Variants in UTRN observed in about 807,000 individuals in gnomAD.
UTRN encodes utrophin, also known as dystrophin-related protein 1.
In UTRN, 283 loss-of-function variants were observed where a neutral mutation model predicts 463.9. The observed-to-expected ratio is 0.61, with a 90% CI of 0.55 to 0.67. The LOEUF (loss-of-function observed/expected upper bound fraction) is 0.67. Ranked by LOEUF, UTRN falls within the 30% of genes least tolerant of loss-of-function variation. UTRN has a pLI of 0.00. For missense variants in UTRN, 3,922 were observed against 4,084.3 expected, an observed-to-expected ratio of 0.96 and a Z score of 1.08; for synonymous variants, 1,442 against 1,431.5, an observed-to-expected ratio of 1.01 and a Z score of -0.17.
intron 50 of UTRN, among the ~76,000 whole-genome samples, chr6:144,562,317 T>C (rs1800004578): frequency 6.6e-6 from 1 of 152,146 alleles, no homozygotes; most frequent in Admixed American, 6.6e-5. Flanking sequence ...AGGTAGTAAG[T>C]CCAGCATTCA....
intron 51 of UTRN, among the ~76,000 whole-genome samples, chr6:144,661,382 G>T (rs1285919983): frequency 6.6e-6 from 1 of 152,156 alleles, no homozygotes; most frequent in Non-Finnish European, 1.5e-5. Context: ...TTAGCTCTTT[G>T]CTCCCTCCTG....
At position 144,751,874 on chromosome 6, in the gene UTRN, G is replaced by A; in HGVS notation, c.8277G>A (p.Leu2759=). 1 of 1,612,242 alleles carries A rather than the reference G, an allele frequency of 6.2e-7. No individual in the cohort carries two copies. Among genetic ancestry groups the A allele is most frequent in the South Asian group, 1.1e-5 (1 of 90,844 alleles). ...CGGTGAATGATTTATCCAGTCAGCTGTCTCCACTTGACCTGCATCCCTCTC... is the reference window on the plus strand; with the variant it reads ...CGGTGAATGATTTATCCAGTCAGCTATCTCCACTTGACCTGCATCCCTCTC... ...VKTVNDLSSQ[L]SPLDLHPSLK... Residue 2759 remains leucine (L), a synonymous_variant, in exon 56 of 75, where the codon CTG becomes CTA. Coordinates refer to ENST00000367545, the MANE Select transcript of UTRN (RefSeq NM_007124.3).
At chr6:144,413,257 G>A (rs1415054904) in intron 3 of UTRN, among the ~76,000 whole-genome samples, 1 of 152,174 alleles carries the variant, frequency 6.6e-6, no homozygotes, top group African/African-American at 2.4e-5. Context: ...ATAGCTTAGT[G>A]ATGCTGTAAC....
chr6:144,638,950 C>G (rs1394833017), intron 51 of UTRN, among the ~76,000 whole-genome samples: 6 of 152,022 alleles, frequency 3.9e-5, no homozygotes, highest in Admixed American at 3.9e-4. Context: ...TGGCTCATGC[C>G]TGTAGTCCTA....
intron 41 of UTRN, 152 bp from the exon 42 acceptor site, chr6:144,530,900 A>G (rs1424875648): frequency 2.4e-5 from 19 of 784,908 alleles, no homozygotes; most frequent in Non-Finnish European, 3.6e-5. Context: ...GTATCCCACT[A>G]CGAAAATTGG....
Position 144,473,739 on chromosome 6 carries a change from A to G in UTRN, c.3086A>G (p.Glu1029Gly). Residue 1029 changes from glutamate to glycine, a missense_variant, in exon 24 of 75, where the codon GAG becomes GGG. Glu to Gly is a moderately conservative substitution (Grantham distance 98). Transcript: ENST00000367545. ...GATTAGGCCGATTCAACAGTCATTG[A>G]GAAGTGGATGGATGGCGTGAAAGAC... is the stretch of plus-strand genomic sequence containing the variant. ...RAFEADSTVI[E>G]KWMDGVKDFL... is the part of the protein sequence containing the mutation. 6.2e-7 allele frequency: 1 copy of G among 1,614,138 alleles called. No individual in the cohort carries two copies. The highest frequency in any genetic ancestry group is 8.5e-7 in the Non-Finnish European group (1 of 1,179,996).
At chr6:144,517,040 A>G in intron 39 of UTRN, 92 bp downstream of exon 39, 2 of 1,153,830 alleles carry the variant, frequency 1.7e-6, no homozygotes, top group Non-Finnish European at 2.3e-6. Context: ...ATGCTTTAAA[A>G]CACACCAGTT....
At chr6:144,309,141 C>A (rs1250042982) in intron 2 of UTRN, among the ~76,000 whole-genome samples, 1 of 152,178 alleles carries the variant, frequency 6.6e-6, no homozygotes, top group Non-Finnish European at 1.5e-5. Context: ...TAGGACACCC[C>A]ACACGCTCCT....
At chr6:144,807,400 T>C (rs937311280) in intron 65 of UTRN, among the ~76,000 whole-genome samples, 1 of 152,106 alleles carries the variant, frequency 6.6e-6, no homozygotes, top group Non-Finnish European at 1.5e-5. Flanking sequence ...AATTTATATA[T>C]GTATATATAA....
In UTRN at chr6:144,493,513, C is replaced by CAA; in HGVS notation, c.4593+57_4593+58insAA. 4.6e-6 allele frequency: 5 copies of CAA among 1,077,140 alleles called. No homozygotes were observed. The South Asian group carries it at 6.3e-5, about 14-fold the overall frequency. The allele number at this position is 1,077,140 out of a possible 1,614,324, so 66.7% of individuals were successfully genotyped here. A position where few individuals can be genotyped will look rare whatever the true frequency, so the allele number is the denominator to read the frequency against. On this transcript the variant is annotated intron_variant, in intron 33 of 74. Transcript: ENST00000367545. ...TGTCTCTCTCTCTCTCTCTCTCAAT[C>CAA]TCTCTCTCTCTCTCGTTCTCTCTCA...
chr6:144,692,212 G>A (rs1783490954), intron 52 of UTRN, among the ~76,000 whole-genome samples: 1 of 152,194 alleles, frequency 6.6e-6, no homozygotes, highest in Non-Finnish European at 1.5e-5. Flanking sequence ...TTCCTGCAAA[G>A]AACATGGTCT....
At chr6:144,712,612 G>A (rs1440399233) in intron 53 of UTRN, among the ~76,000 whole-genome samples, 1 of 152,206 alleles carries the variant, frequency 6.6e-6, no homozygotes, top group Non-Finnish European at 1.5e-5. Context: ...TTTGCTAGGT[G>A]CCAAGCATGC....
chr6:144,681,241 C>T lies in UTRN; in HGVS notation c.7652+2663C>T, dbSNP rs113525363. ...GAGAGCAGTAGGTGAAATAGACAGA[C>T]GGGAGGCGGTGTCCAGAGACAGGTG... is the stretch of plus-strand genomic sequence containing the variant. On this transcript the variant is annotated intron_variant, in intron 52 of 74. Transcript: ENST00000367545. Among the ~76,000 whole-genome samples the T allele has an allele frequency of 8.5e-3, 1,299 of 152,180 alleles. 16 individuals are homozygous for T. The highest frequency in any genetic ancestry group is 0.029 in the African/African-American group (1,224 of 41,518).
chr6:144,747,722 A>G (rs1418036216), intron 54 of UTRN, among the ~76,000 whole-genome samples: 2 of 152,168 alleles, frequency 1.3e-5, no homozygotes, highest in African/African-American at 4.8e-5. Context: ...CTAAACTGCT[A>G]AACAGCCTTA....
At chr6:144,368,077 G>T (rs1400886785) in intron 2 of UTRN, among the ~76,000 whole-genome samples, 1 of 152,098 alleles carries the variant, frequency 6.6e-6, no homozygotes. Flanking sequence ...ACTGCACCCC[G>T]CCTTCTGTTT....
At chr6:144,398,349 CT>C in intron 2 of UTRN, 2 of 355,800 alleles carry the variant, frequency 5.6e-6, no homozygotes, top group Non-Finnish European at 5.6e-6. Context: ...ACACTTGTGC[CT>C]TTTCACTTAT....
intron 2 of UTRN, among the ~76,000 whole-genome samples, chr6:144,327,334 C>T (rs985601609): frequency 2.6e-5 from 4 of 152,118 alleles, no homozygotes; most frequent in East Asian, 1.9e-4. Context: ...CAGAACCTGT[C>T]CTAATTTGTG....
chr6:144,395,745 A>G (rs1287911673), intron 2 of UTRN, among the ~76,000 whole-genome samples: 2 of 152,174 alleles, frequency 1.3e-5, no homozygotes, highest in Non-Finnish European at 2.9e-5. Flanking sequence ...TCAGGTTAGC[A>G]TGCTGTTAAA....
intron 26 of UTRN, among the ~76,000 whole-genome samples, chr6:144,481,795 C>T (rs767109321): frequency 3.3e-5 from 5 of 152,330 alleles, no homozygotes; most frequent in Middle Eastern, 3.4e-3. Context: ...CAGTGGCTCA[C>T]GCCTCTAATC....
Sources: allele counts gnomAD v4.1 joint callset (sites outside exome capture counted in the v4.1 genomes callset), GRCh38; gene constraint gnomAD v4.1.1; transcripts MANE v1.5; gene names NCBI Gene and HGNC (gene_info 2026-07-23, HGNC 2026-07-21).